Variants in PLCE1 observed in about 807,000 individuals in gnomAD.
PLCE1 encodes the protein phospholipase C epsilon 1.
PLCE1 carries 119 observed loss-of-function variants against 242.8 expected under a neutral mutation model. The ratio of observed to expected loss-of-function variants is 0.49; its 90% CI spans 0.42 to 0.57. The LOEUF (loss-of-function observed/expected upper bound fraction) is 0.57. Among genes scored for constraint, PLCE1 ranks in the 20% least tolerant of loss-of-function variants. PLCE1 has a pLI of 0.00. For synonymous variants in PLCE1, 945 were observed against 1,017.4 expected, an observed-to-expected ratio of 0.93 and a Z score of 1.35; for missense variants, 2,441 against 2,788.8, an observed-to-expected ratio of 0.88 and a Z score of 2.81.
intron 18 of PLCE1, among the ~76,000 whole-genome samples, chr10:94,271,915 A>T (rs1022481937): frequency 6.6e-5 from 10 of 152,310 alleles, no homozygotes; most frequent in Admixed American, 1.3e-4. Context: ...AAGTTTTATT[A>T]AGGATTTCAA....
At chr10:94,297,590 T>TAAAA (rs71031568) in intron 23 of PLCE1, among the ~76,000 whole-genome samples, 8 of 56,578 alleles carry the variant, frequency 1.4e-4, no homozygotes, top group Non-Finnish European at 1.8e-4. Flanking sequence ...TTTAAATTTG[T>TAAAA]AAAAAAAAAA....
chr10:94,297,640 C>T (rs2052887113), intron 23 of PLCE1, among the ~76,000 whole-genome samples: 1 of 91,362 alleles, frequency 1.1e-5, no homozygotes, highest in African/African-American at 3.9e-5. Flanking sequence ...GCAGTATCTG[C>T]AAAGTGCAAT....
intron 1 of PLCE1, among the ~76,000 whole-genome samples, chr10:94,006,141 C>T (rs188923715): frequency 1.0e-3 from 155 of 152,294 alleles, no homozygotes; most frequent in African/African-American, 3.6e-3. Flanking sequence ...TTCTGATTTA[C>T]AGATTAAGCT....
chr10:94,257,474 T>A (rs193121684), intron 11 of PLCE1, among the ~76,000 whole-genome samples: 74 of 152,298 alleles, frequency 4.9e-4, no homozygotes, highest in African/African-American at 1.8e-3. Flanking sequence ...TGTACACGTA[T>A]GTTTATTGCG....
intron 2 of PLCE1, among the ~76,000 whole-genome samples, chr10:94,074,185 T>C (rs2135148217): frequency 6.7e-6 from 1 of 149,852 alleles, no homozygotes; most frequent in Admixed American, 6.7e-5. Context: ...TACCAAGCAG[T>C]TCTTTTTTTT....
At chr10:94,297,402 A>G (rs912954305) in intron 23 of PLCE1, among the ~76,000 whole-genome samples, 1 of 152,032 alleles carries the variant, frequency 6.6e-6, no homozygotes, top group Non-Finnish European at 1.5e-5. Context: ...CCCCAAAACA[A>G]TTACAATAAA....
intron 2 of PLCE1, among the ~76,000 whole-genome samples, chr10:94,115,886 G>C (rs192509512): frequency 6.6e-6 from 1 of 152,092 alleles, no homozygotes; most frequent in East Asian, 1.9e-4. Flanking sequence ...TTCCTGCCTC[G>C]TGTTAACTTT....
chr10:94,222,487 A>G (rs978564838), intron 4 of PLCE1, among the ~76,000 whole-genome samples: 4 of 152,212 alleles, frequency 2.6e-5, no homozygotes, highest in African/African-American at 7.2e-5. Flanking sequence ...GGATCACAGC[A>G]CTAAATGTGC....
At position 94,031,006 on chromosome 10, in the gene PLCE1, G is replaced by GA. The variant is rs1207752524; in HGVS notation, c.-36dup. The GA allele has an allele frequency of 6.2e-7, 1 of 1,609,372 alleles. No individual in the cohort carries two copies. The highest frequency in any genetic ancestry group is 8.5e-7 in the Non-Finnish European group (1 of 1,176,220). On this transcript the variant is annotated 5_prime_UTR_variant, in exon 2 of 33. The change abolishes the stop of an existing upstream ORF in the 5' untranslated region. Coordinates refer to ENST00000371380, the MANE Select transcript of PLCE1 (RefSeq NM_016341.4). Reference sequence around the variant, plus strand: ...AAACCTTGACATGATCACCAGGGAGGAAAAATAGAGCAATAGTCAAAACCT... The same window carrying GA: ...AAACCTTGACATGATCACCAGGGAGGAAAAAATAGAGCAATAGTCAAAACCT...
At chr10:94,168,163 C>T (rs2047866891) in intron 3 of PLCE1, among the ~76,000 whole-genome samples, 1 of 152,122 alleles carries the variant, frequency 6.6e-6, no homozygotes, top group Non-Finnish European at 1.5e-5. Context: ...GTTTTAAATC[C>T]ATCTTCCAGT....
intron 3 of PLCE1, among the ~76,000 whole-genome samples, chr10:94,167,186 G>C (rs1412305224): frequency 6.6e-6 from 1 of 152,122 alleles, no homozygotes; most frequent in Non-Finnish European, 1.5e-5. Context: ...AGCTACTTGG[G>C]AGGCTGAGGC....
chr10:94,263,512 T>C (rs2051387995), intron 14 of PLCE1, among the ~76,000 whole-genome samples: 2 of 126,314 alleles, frequency 1.6e-5, no homozygotes, highest in African/African-American at 3.0e-5. Context: ...AGACCCCATC[T>C]CAAAAAAAAA....
At position 94,313,305 on chromosome 10, in the gene PLCE1, C is replaced by G. The variant is rs1449777749; in HGVS notation, c.6055C>G (p.His2019Asp). 1 of 1,614,098 alleles carries G rather than the reference C, an allele frequency of 6.2e-7. No homozygotes were observed. The highest frequency in any genetic ancestry group is 8.5e-7 in the Non-Finnish European group (1 of 1,179,972). ...KCLQTHRVTV[H>D]GVPGPEPFTV... ...TTTGCAGACTCACAGAGTCACGGTG[C>G]ATGGGGTCCCAGGGCCAGAGCCCTT... The change falls in exon 28 of 33, where the codon CAT becomes GAT. Residue 2019 changes from histidine to aspartate, a missense_variant. Physicochemically the swap from His to Asp is moderately conservative, Grantham distance 81. Transcript: ENST00000371380.
At chr10:94,169,540 T>C (rs1436343137) in intron 3 of PLCE1, among the ~76,000 whole-genome samples, 1 of 152,050 alleles carries the variant, frequency 6.6e-6, no homozygotes, top group Non-Finnish European at 1.5e-5. Flanking sequence ...GGTATCTGAA[T>C]TGAAGGAGTT....
chr10:94,077,073 T>A (rs1045805577), intron 2 of PLCE1, among the ~76,000 whole-genome samples: 1 of 152,222 alleles, frequency 6.6e-6, no homozygotes, highest in African/African-American at 2.4e-5. Flanking sequence ...CAATTATATA[T>A]CTCATCGAAA....
chr10:94,328,901 A>G lies in PLCE1; in HGVS notation c.*958A>G, dbSNP rs1374302951. 6.6e-6 allele frequency: 1 copy of G among 152,204 alleles called. No homozygotes were observed. Among genetic ancestry groups the G allele is most frequent in the African/African-American group, 2.4e-5 (1 of 41,458 alleles). The allele number at this position is 152,204 out of a possible 1,614,324, so 9.4% of individuals were successfully genotyped here. ...TGAATTTAGAATGACGTATAATTTA[A>G]TATCTACTGAATTGCAATGTCTTAA... On this transcript the variant is annotated 3_prime_UTR_variant, in exon 33 of 33. Coordinates refer to ENST00000371380, the MANE Select transcript of PLCE1 (RefSeq NM_016341.4).
At chr10:94,290,968 C>T (rs933738144) in intron 22 of PLCE1, among the ~76,000 whole-genome samples, 2 of 152,052 alleles carry the variant, frequency 1.3e-5, no homozygotes, top group Non-Finnish European at 2.9e-5. Context: ...TTTCTCAGCT[C>T]CAGTACAATC....
intron 2 of PLCE1, among the ~76,000 whole-genome samples, chr10:94,033,463 A>C (rs896998017): frequency 1.3e-5 from 2 of 152,072 alleles, no homozygotes; most frequent in Non-Finnish European, 2.9e-5. Flanking sequence ...AATATCTGTG[A>C]CTTCTATTGG....
At chr10:94,198,653 T>A (rs1315675821) in intron 4 of PLCE1, among the ~76,000 whole-genome samples, 1 of 152,226 alleles carries the variant, frequency 6.6e-6, no homozygotes, top group Non-Finnish European at 1.5e-5. Context: ...GGGATCTGAT[T>A]TCTCTTTTTA....
Sources: allele counts gnomAD v4.1 joint callset (sites outside exome capture counted in the v4.1 genomes callset), GRCh38; gene constraint gnomAD v4.1.1; transcripts MANE v1.5; gene names NCBI Gene and HGNC (gene_info 2026-07-23, HGNC 2026-07-21).